TRMT11: variants seen among roughly 807,000 people sequenced by gnomAD.
The protein encoded by TRMT11 is tRNA (guanine(10)-N(2))-methyltransferase TRMT11.
In TRMT11, 53 loss-of-function variants were observed where a neutral mutation model predicts 62.8. The observed-to-expected ratio is 0.84, with a 90% confidence interval of 0.68 to 1.06. The LOEUF is 1.06. Among genes scored for constraint, TRMT11 ranks in the 50% least tolerant of loss-of-function variants. The probability of loss-of-function intolerance (pLI) is 0.00; values close to 1 mark genes in which losing one functional copy is unlikely to be tolerated. For synonymous variants in TRMT11, 188 were observed against 190.3 expected (o/e 0.99, Z 0.10); for missense variants, 556 against 553.4 (o/e 1.00, Z -0.05).
intron 21 of TRMT11, among the ~76,000 whole-genome samples, chr6:126,155,245 C>G (rs1218337967): frequency 6.6e-6 from 1 of 152,022 alleles, no homozygotes; most frequent in Non-Finnish European, 1.5e-5. Context: ...CAGGGAGGTG[C>G]CACACACTTT....
chr6:126,091,498 A>T (rs986212089), intron 17 of TRMT11, among the ~76,000 whole-genome samples: 3 of 152,084 alleles, frequency 2.0e-5, no homozygotes, highest in African/African-American at 7.2e-5. Context: ...GCAGTGCCAG[A>T]GTCTCTCTAA....
chr6:126,012,939 C>T, intron 10 of TRMT11, 31 bp from the exon 11 acceptor site: 1 of 1,608,110 alleles, frequency 6.2e-7, no homozygotes, highest in Non-Finnish European at 8.5e-7. Flanking sequence ...AAATTTTTCA[C>T]TGATTTTGAA....
intron 21 of TRMT11, among the ~76,000 whole-genome samples, chr6:126,151,256 A>T (rs1778034615): frequency 6.6e-6 from 1 of 152,186 alleles, no homozygotes; most frequent in African/African-American, 2.4e-5. Flanking sequence ...TTTGAGAAAG[A>T]ACTATATAAA....
the TRMT11 span, among the ~76,000 whole-genome samples, chr6:126,220,755 TA>T: frequency 1.3e-5 from 2 of 149,156 alleles, no homozygotes; most frequent in Non-Finnish European, 2.9e-5. Flanking sequence ...TCTGGATGTC[TA>T]TTTTTTTTTT....
intron 17 of TRMT11, among the ~76,000 whole-genome samples, chr6:126,060,280 C>T (rs571247763): frequency 2.0e-5 from 3 of 152,368 alleles, no homozygotes; most frequent in African/African-American, 7.2e-5. Context: ...CAAATGTCAA[C>T]ATTGAGGATT....
intron 12 of TRMT11, among the ~76,000 whole-genome samples, chr6:126,029,646 CAT>C (rs1278528738): frequency 6.6e-6 from 1 of 152,136 alleles, no homozygotes; most frequent in Non-Finnish European, 1.5e-5. Context: ...CATGCCTGCA[CAT>C]GTTTTGGTCT....
At chr6:126,081,480 A>G (rs1777156639) in intron 17 of TRMT11, among the ~76,000 whole-genome samples, 1 of 152,170 alleles carries the variant, frequency 6.6e-6, no homozygotes, top group Admixed American at 6.6e-5. Flanking sequence ...AGTGCATCAG[A>G]TGCCTTAGTA....
chr6:126,222,301 T>C, the TRMT11 span, among the ~76,000 whole-genome samples: 1 of 152,214 alleles, frequency 6.6e-6, no homozygotes, highest in African/African-American at 2.4e-5. Context: ...AGGCTCTTTT[T>C]TGGTTCCATA....
At chr6:126,022,835 A>G (rs1325354321) in intron 12 of TRMT11, among the ~76,000 whole-genome samples, 13 of 152,238 alleles carry the variant, frequency 8.5e-5, no homozygotes. Context: ...ATGTATAGGT[A>G]TATGTGGTGT....
At chr6:126,270,137 G>GA in the TRMT11 span, among the ~76,000 whole-genome samples, 1 of 152,102 alleles carries the variant, frequency 6.6e-6, no homozygotes, top group African/African-American at 2.4e-5. Flanking sequence ...ACCAAAAGGG[G>GA]AAAAAGAACT....
chr6:126,026,411 G>C (rs1773103751), intron 12 of TRMT11, among the ~76,000 whole-genome samples: 1 of 151,462 alleles, frequency 6.6e-6, no homozygotes, highest in Admixed American at 6.6e-5. Flanking sequence ...TTTTGAGATA[G>C]AGTCTTACTC....
At chr6:126,203,628 C>T (rs2128253861), downstream of TRMT11, among the ~76,000 whole-genome samples, 1 of 152,184 alleles carries the variant, frequency 6.6e-6, no homozygotes, top group South Asian at 2.1e-4. Context: ...AATTCAGCCC[C>T]AGGACAAAGT....
intron 1 of TRMT11, among the ~76,000 whole-genome samples, chr6:126,189,507 G>A (rs760885610): frequency 1.2e-4 from 18 of 151,908 alleles, no homozygotes; most frequent in Non-Finnish European, 1.8e-4. Flanking sequence ...CCTCTTTTAT[G>A]TTTCCCAATA....
chr6:126,244,145 C>A, the TRMT11 span, among the ~76,000 whole-genome samples: 1 of 151,740 alleles, frequency 6.6e-6, no homozygotes, highest in African/African-American at 2.4e-5. Context: ...TCGTCTCTCT[C>A]CTCTTTCTTT....
At chr6:126,033,386 G>T (rs1774571437) in intron 12 of TRMT11, among the ~76,000 whole-genome samples, 2 of 152,012 alleles carry the variant, frequency 1.3e-5, no homozygotes, top group African/African-American at 2.4e-5. Context: ...ATTATAAGTG[G>T]CTGAAATCGC....
At chr6:126,222,126 A>C in the TRMT11 span, among the ~76,000 whole-genome samples, 23 of 151,976 alleles carry the variant, frequency 1.5e-4, no homozygotes, top group Non-Finnish European at 3.4e-4. Context: ...TTGTAGATTT[A>C]TAGCTTTATT....
intron 21 of TRMT11, among the ~76,000 whole-genome samples, chr6:126,158,227 A>G (rs1279624680): frequency 2.6e-5 from 4 of 152,158 alleles, no homozygotes; most frequent in African/African-American, 7.2e-5. Context: ...CCTTCAGTCT[A>G]TGGTTCTTCT....
At chr6:126,065,964 T>C (rs1776678174) in intron 17 of TRMT11, among the ~76,000 whole-genome samples, 1 of 152,222 alleles carries the variant, frequency 6.6e-6, no homozygotes. Flanking sequence ...GGAGCTCAAA[T>C]GCTGCTAGAC....
chr6:126,172,439 G>A (rs1778340847), upstream of TRMT11, among the ~76,000 whole-genome samples: 1 of 152,140 alleles, frequency 6.6e-6, no homozygotes, highest in African/African-American at 2.4e-5. Context: ...TTGGACCATG[G>A]CTGCATTTCA....
Sources: allele counts gnomAD v4.1 joint callset (sites outside exome capture counted in the v4.1 genomes callset), GRCh38; gene constraint gnomAD v4.1.1; transcripts MANE v1.5; gene names NCBI Gene and HGNC (gene_info 2026-07-23, HGNC 2026-07-21).